Variants in SNX24 observed in about 807,000 individuals in gnomAD.
The protein encoded by SNX24 is sorting nexin-24.
Under a neutral mutation model 28.7 loss-of-function variants are expected in SNX24, and 22 were observed. The observed-to-expected ratio is 0.77, with a 90% CI of 0.55 to 1.10. The LOEUF is 1.10. Among genes scored for constraint, SNX24 ranks in the 50% least tolerant of loss-of-function variants. The pLI is 0.00. For synonymous variants in SNX24, 69 were observed against 71.5 expected (o/e 0.96, Z 0.18); for missense variants, 221 against 201.1 (o/e 1.10, Z -0.60).
intron 3 of SNX24, among the ~76,000 whole-genome samples, chr5:122,972,774 A>G (rs547638320): frequency 6.6e-6 from 1 of 152,196 alleles, no homozygotes; most frequent in East Asian, 1.9e-4. Flanking sequence ...TGCCTTTTCC[A>G]TGATGGAAGA....
chr5:122,860,129 C>T (rs772541417), intron 1 of SNX24, among the ~76,000 whole-genome samples: 6 of 152,166 alleles, frequency 3.9e-5, no homozygotes, highest in Non-Finnish European at 7.4e-5. Flanking sequence ...GTTTTCCCCA[C>T]AAAGAACAGC....
chr5:122,998,537 G>A (rs1168938876), intron 3 of SNX24, among the ~76,000 whole-genome samples: 1 of 152,138 alleles, frequency 6.6e-6, no homozygotes, highest in Non-Finnish European at 1.5e-5. Flanking sequence ...GCTTCCATGG[G>A]AATGGTGAGC....
intron 1 of SNX24, among the ~76,000 whole-genome samples, chr5:122,891,896 G>A (rs1381466977): frequency 6.6e-6 from 1 of 152,212 alleles, no homozygotes; most frequent in Non-Finnish European, 1.5e-5. Context: ...AGACTGTTGA[G>A]TGACCAAAAG....
chr5:122,981,523 C>T (rs758795493), intron 3 of SNX24, among the ~76,000 whole-genome samples: 23 of 152,252 alleles, frequency 1.5e-4, no homozygotes, highest in Non-Finnish European at 2.1e-4. Context: ...GTTGTGTGAC[C>T]ATCAGTACAA....
intron 1 of SNX24, among the ~76,000 whole-genome samples, chr5:122,906,787 C>T (rs777349969): frequency 2.0e-4 from 31 of 152,260 alleles, no homozygotes; most frequent in Non-Finnish European, 3.2e-4. Context: ...GGATTACAGG[C>T]ATGAGCCACC....
chr5:122,889,916 ATT>A (rs35217710), intron 1 of SNX24, among the ~76,000 whole-genome samples: 9 of 139,098 alleles, frequency 6.5e-5, no homozygotes, highest in Non-Finnish European at 3.1e-5. Flanking sequence ...CCTTGTTAGT[ATT>A]TTTTTTTTTT....
At chr5:122,861,149 G>C (rs1233669529) in intron 1 of SNX24, among the ~76,000 whole-genome samples, 3 of 151,918 alleles carry the variant, frequency 2.0e-5, no homozygotes, top group Non-Finnish European at 4.4e-5. Context: ...AGACCAGCCT[G>C]GCGAACGTGG....
intron 3 of SNX24, among the ~76,000 whole-genome samples, chr5:122,980,228 T>C (rs1761336729): frequency 6.6e-6 from 1 of 152,188 alleles, no homozygotes; most frequent in Admixed American, 6.5e-5. Flanking sequence ...TAACAAAAAA[T>C]TTATCATGAA....
intron 6 of SNX24, among the ~76,000 whole-genome samples, chr5:123,004,068 G>C (rs1219062061): frequency 6.6e-6 from 1 of 152,130 alleles, no homozygotes; most frequent in Non-Finnish European, 1.5e-5. Flanking sequence ...AGATATTAAG[G>C]TTATTATTCC....
chr5:123,003,405 T>C (rs1158327507), intron 6 of SNX24, among the ~76,000 whole-genome samples: 1 of 152,248 alleles, frequency 6.6e-6, no homozygotes, highest in Middle Eastern at 3.2e-3. Context: ...CATGTTAAAA[T>C]ATCATATTTA....
At position 122,936,751 on chromosome 5, in the gene SNX24, G is replaced by A; in HGVS notation, c.78G>A (p.Val26=). 1.3e-6 allele frequency: 2 copies of A among 1,596,310 alleles called. No homozygotes were observed. Among genetic ancestry groups the A allele is most frequent in the Non-Finnish European group, 1.7e-6 (2 of 1,165,888 alleles). The change falls in exon 2 of 7, where the codon GTG becomes GTA. Residue 26 remains valine, a synonymous_variant. Transcript: ENST00000261369. ...ERGYTVFKIE[V]LMNGRKHFVE... is the part of the protein sequence containing the mutation. ...TTCCTCAGGTGTTTAAGATAGAAGT[G>A]CTAATGAATGGAAGAAAACATTTTG...
At chr5:123,023,809 C>CACA in intron 5 of SNX24, 6 of 848,956 alleles carry the variant, frequency 7.1e-6, no homozygotes, top group Non-Finnish European at 7.7e-6. Context: ...GACAACACAA[C>CACA]ACACACACAC....
intron 1 of SNX24, among the ~76,000 whole-genome samples, chr5:122,873,267 C>A (rs1756065909): frequency 6.6e-6 from 1 of 152,050 alleles, no homozygotes; most frequent in Admixed American, 6.6e-5. Flanking sequence ...GAGACCATAC[C>A]CAGTCCAGAG....
intron 1 of SNX24, among the ~76,000 whole-genome samples, chr5:122,883,453 T>C (rs981664801): frequency 6.6e-6 from 1 of 152,204 alleles, no homozygotes. Flanking sequence ...CTAGATACTA[T>C]TACCATTACA....
At chr5:122,927,550 CTG>C (rs147789541) in intron 1 of SNX24, among the ~76,000 whole-genome samples, 1,817 of 152,214 alleles carry the variant, frequency 0.012, 30 homozygotes, top group African/African-American at 0.041. Context: ...CATTGACAGA[CTG>C]TGTTTTATTC....
chr5:122,880,290 C>A (rs1254725101), intron 1 of SNX24, among the ~76,000 whole-genome samples: 2 of 144,796 alleles, frequency 1.4e-5, no homozygotes, highest in East Asian at 4.1e-4. Context: ...GCAGCTTTGT[C>A]TAATTGCATC....
intron 3 of SNX24, among the ~76,000 whole-genome samples, chr5:122,961,929 G>GA (rs1254986936): frequency 6.6e-6 from 1 of 152,060 alleles, no homozygotes; most frequent in Non-Finnish European, 1.5e-5. Context: ...ATATGAAAAT[G>GA]AAAAAAACTT....
chr5:122,942,099 G>A (rs1380956095), intron 2 of SNX24, among the ~76,000 whole-genome samples: 4 of 152,108 alleles, frequency 2.6e-5, no homozygotes, highest in Non-Finnish European at 5.9e-5. Flanking sequence ...TTGCATGTAT[G>A]GGCAGAAAAG....
chr5:122,999,816 C>A, intron 3 of SNX24, 96 bp from the exon 4 acceptor site: 1 of 792,608 alleles, frequency 1.3e-6, no homozygotes. Flanking sequence ...CTGGTAAGAA[C>A]TTTGATGGAC....
Sources: gnomAD v4.1 joint callset for allele counts (sites outside exome capture counted in the v4.1 genomes callset) on GRCh38, gnomAD v4.1.1 for gene constraint, MANE v1.5 for transcripts, NCBI Gene and HGNC (gene_info 2026-07-23, HGNC 2026-07-21) for gene names.